Variants in ANXA1 observed in about 807,000 individuals in gnomAD.
ANXA1 encodes the protein annexin I (lipocortin I).
A neutral mutation model predicts 47.9 loss-of-function variants in ANXA1; 39 were observed. The ratio of observed to expected loss-of-function variants is 0.81; its 90% confidence interval spans 0.63 to 1.06. The LOEUF (loss-of-function observed/expected upper bound fraction) is 1.06. ANXA1 is among the 50% of genes least tolerant of loss of function. The pLI is 0.00. For synonymous variants in ANXA1, 146 were observed against 142.5 expected, an observed-to-expected ratio of 1.02 and a Z score of -0.17; for missense variants, 446 against 422.7, an observed-to-expected ratio of 1.06 and a Z score of -0.48.
At chr9:73,160,694 A>C in intron 5 of ANXA1, 109 bp from the exon 6 acceptor site, 1 of 742,448 alleles carries the variant, frequency 1.3e-6, no homozygotes, top group Middle Eastern at 3.5e-4. Context: ...TTGTGGGTGA[A>C]ATTTACTAAA....
intron 5 of ANXA1, 152 bp downstream of exon 5, chr9:73,160,528 A>T (rs536114432): frequency 1.7e-6 from 1 of 591,370 alleles, no homozygotes; most frequent in Non-Finnish European, 2.9e-6. Context: ...GAAGGAATTA[A>T]TATATAAATG....
rs1318458306 is a variant in ANXA1 at position 73,162,818 on chromosome 9, A to G, written c.512A>G (p.Asp171Gly). The change falls in exon 7 of 13, where the codon GAC (aspartate) becomes GGC (glycine). Residue 171 changes from aspartate to glycine, a missense_variant. By Grantham distance (94) the Asp-to-Gly change is moderately conservative. Transcript: ENST00000257497. ...KRDLAKDITS[D>G]TSGDFRNALL... ...GATCTGGCCAAAGACATAACCTCAG[A>G]CACATCTGGAGATTTTCGGAACGCT... 1.2e-6 allele frequency: 2 copies of G among 1,613,322 alleles called. No individual in the cohort carries two copies. Among genetic ancestry groups the G allele is most frequent in the Non-Finnish European group, 1.7e-6 (2 of 1,179,536 alleles).
chr9:73,160,415 G>A lies in ANXA1; in HGVS notation c.384+39G>A, dbSNP rs114169835. On this transcript the variant is annotated intron_variant, in intron 5 of 12. Coordinates refer to ENST00000257497, the MANE Select transcript of ANXA1 (RefSeq NM_000700.3). ...TTTGAGCAAACTCCTTTCCTCAAGAGGATGTATTGGGCAAGTCACTTATGC... is the reference window on the plus strand; with the variant it reads ...TTTGAGCAAACTCCTTTCCTCAAGAAGATGTATTGGGCAAGTCACTTATGC... 1.0e-3 allele frequency: 1,378 copies of A among 1,383,016 alleles called. 12 individuals are homozygous for A. In the African/African-American group the frequency reaches 0.016, roughly 16 times the overall value. 85.7% of individuals were successfully genotyped at this position (1,383,016 alleles called of 1,614,324 possible).
At chr9:73,156,170 TA>T (rs1395349119) in intron 1 of ANXA1, among the ~76,000 whole-genome samples, 8 of 104,134 alleles carry the variant, frequency 7.7e-5, no homozygotes, top group African/African-American at 1.7e-4. Flanking sequence ...AATAAATAAA[TA>T]AAATAAATAA....
At chr9:73,169,713 C>A (rs1824291859) in intron 12 of ANXA1, among the ~76,000 whole-genome samples, 1 of 152,072 alleles carries the variant, frequency 6.6e-6, no homozygotes, top group Non-Finnish European at 1.5e-5. Flanking sequence ...CATTTCTCTT[C>A]TTCTGGTGAG....
At chr9:73,160,193 G>A in intron 4 of ANXA1, 70 bp from the exon 5 acceptor site, 3 of 1,096,754 alleles carry the variant, frequency 2.7e-6, no homozygotes, top group Non-Finnish European at 3.9e-6. Context: ...CCTAAAGTCA[G>A]GTAATATCAC....
Position 73,170,282 on chromosome 9 carries a change from C to T in ANXA1, c.*175C>T, listed in dbSNP as rs761117778. The stretch of plus-strand genomic sequence containing the variant: ...TAACTCTGTATAATAGAGATAAGTC[C>T]ATTTTTTAAAAATGTTTTCCCCAAA... On this transcript the variant is annotated 3_prime_UTR_variant, in exon 13 of 13. Transcript: ENST00000257497. The T allele has an allele frequency of 4.7e-6, 2 of 428,750 alleles. No homozygotes were observed. Among genetic ancestry groups the T allele is most frequent in the Admixed American group, 8.3e-5 (2 of 24,210 alleles). The allele number at this position is 428,750 out of a possible 1,614,324, so 26.6% of individuals were successfully genotyped here. A position where few individuals can be genotyped will look rare whatever the true frequency, so the allele number is the denominator to read the frequency against.
At chr9:73,158,465 G>A in intron 1 of ANXA1, 57 bp from the exon 2 acceptor site, 1 of 1,325,662 alleles carries the variant, frequency 7.5e-7, no homozygotes, top group Non-Finnish European at 1.1e-6. Context: ...GGTGAGGAAG[G>A]AGAGGTTGTG....
At chr9:73,159,191 G>C in intron 3 of ANXA1, 138 bp from the exon 4 acceptor site, 1 of 692,190 alleles carries the variant, frequency 1.4e-6, no homozygotes. Flanking sequence ...GTATAGCATC[G>C]ATTTTTTAGG....
At chr9:73,154,910 G>C (rs1484477084) in intron 1 of ANXA1, among the ~76,000 whole-genome samples, 1 of 152,148 alleles carries the variant, frequency 6.6e-6, no homozygotes, top group Non-Finnish European at 1.5e-5. Flanking sequence ...TACTATCATT[G>C]CAAAACTCTG....
intron 8 of ANXA1, 149 bp from the exon 9 acceptor site, chr9:73,164,967 C>A: frequency 1.7e-6 from 1 of 581,770 alleles, no homozygotes; most frequent in Non-Finnish European, 3.0e-6. Context: ...AGGTCCCTAT[C>A]TTTAAAGAAC....
At chr9:73,165,741 T>C (rs1824218235) in intron 9 of ANXA1, among the ~76,000 whole-genome samples, 1 of 152,084 alleles carries the variant, frequency 6.6e-6, no homozygotes, top group African/African-American at 2.4e-5. Context: ...ATTTCTACTG[T>C]TAAATGTAAG....
intron 3 of ANXA1, 38 bp from the exon 4 acceptor site, chr9:73,159,291 A>G: frequency 6.6e-7 from 1 of 1,507,328 alleles, no homozygotes; most frequent in Non-Finnish European, 9.2e-7. Flanking sequence ...GATGATGAAG[A>G]AAATTGGTGT....
intron 1 of ANXA1, chr9:73,157,771 C>T (rs1263233391): frequency 6.6e-6 from 1 of 151,266 alleles, no homozygotes; most frequent in Admixed American, 6.6e-5. Context: ...GTATTCTAAT[C>T]CTCCATCTTG....
chr9:73,159,371 A>G lies in ANXA1; in HGVS notation c.218A>G (p.Asn73Ser). The G allele has an allele frequency of 1.2e-6, 2 of 1,613,414 alleles. No individual in the cohort carries two copies. Among genetic ancestry groups the G allele is most frequent in the Non-Finnish European group, 1.7e-6 (2 of 1,179,536 alleles). ...ATCATTGACATTCTAACTAAGCGAA[A>G]CAATGCACAGCGTCAACAGATCAAA... ...ATIIDILTKR[N>S]NAQRQQIKAA... The change falls in exon 4 of 13, where the codon AAC becomes AGC. Residue 73 changes from asparagine (N) to serine (S), a missense_variant. Transcript: ENST00000257497.
At chr9:73,166,817 A>G (rs1046207586) in intron 10 of ANXA1, among the ~76,000 whole-genome samples, 2 of 152,172 alleles carry the variant, frequency 1.3e-5, no homozygotes, top group African/African-American at 2.4e-5. Context: ...CAAGCTCCCC[A>G]TTGATGCCAA....
intron 12 of ANXA1, among the ~76,000 whole-genome samples, chr9:73,169,708 CTCT>C (rs937154571): frequency 6.6e-6 from 1 of 152,066 alleles, no homozygotes; most frequent in East Asian, 1.9e-4. Context: ...CTATACATTT[CTCT>C]TCTTCTGGTG....
chr9:73,159,163 G>A (rs1588219155), intron 3 of ANXA1, among the ~76,000 whole-genome samples, 166 bp from the exon 4 acceptor site: 1 of 152,252 alleles, frequency 6.6e-6, no homozygotes, highest in South Asian at 2.1e-4. Flanking sequence ...ATTCTCCCAA[G>A]TGCTTCCTTG....
At chr9:73,161,062 C>T (rs1018935513) in intron 6 of ANXA1, among the ~76,000 whole-genome samples, 169 bp downstream of exon 6, 3 of 152,174 alleles carry the variant, frequency 2.0e-5, no homozygotes, top group Non-Finnish European at 4.4e-5. Context: ...CCAGGCAACG[C>T]TTGAGTTGCT....
Sources: gnomAD v4.1 joint callset for allele counts (sites outside exome capture counted in the v4.1 genomes callset) on GRCh38, gnomAD v4.1.1 for gene constraint, MANE v1.5 for transcripts, NCBI Gene and HGNC (gene_info 2026-07-23, HGNC 2026-07-21) for gene names.